GALNT17: variants seen among roughly 807,000 people sequenced by gnomAD.
GALNT17 encodes the protein polypeptide N-acetylgalactosaminyltransferase 17, also known as UDP-GalNAc:polypeptide N-acetylgalactosaminyltransferase-like 3.
In GALNT17, 29 loss-of-function variants were observed where a neutral mutation model predicts 63.7. The ratio of observed to expected loss-of-function variants is 0.46; its 90% CI spans 0.34 to 0.62. GALNT17 has a LOEUF of 0.62. GALNT17 is among the 20% of genes least tolerant of loss of function. GALNT17 has a pLI of 0.01. For missense variants in GALNT17, 603 were observed against 799.6 expected (o/e 0.75, Z 2.97); for synonymous variants, 305 against 318.3 (o/e 0.96, Z 0.45).
chr7:71,366,313 C>G (rs183196805), intron 2 of GALNT17, among the ~76,000 whole-genome samples: 2 of 152,046 alleles, frequency 1.3e-5, no homozygotes, highest in Admixed American at 6.6e-5. Flanking sequence ...CGGCTGGGCA[C>G]GGTGGCTCAC....
At position 71,143,899 on chromosome 7, in the gene GALNT17, G is replaced by A. The variant is rs192340580; in HGVS notation, c.238+10859G>A. Among the ~76,000 whole-genome samples, 43 of 151,702 alleles carry A rather than the reference G, an allele frequency of 2.8e-4. No homozygotes were observed. In the East Asian group the frequency reaches 4.3e-3, roughly 15 times the overall value. Reference sequence around the variant, plus strand: ...TATTTAAAAAAAAAAAAAGAGTGCAGCAGTGGGTATAGAGAGCTGGTGTTG... The same window carrying A: ...TATTTAAAAAAAAAAAAAGAGTGCAACAGTGGGTATAGAGAGCTGGTGTTG... On this transcript the variant is annotated intron_variant, in intron 1 of 10. Coordinates refer to ENST00000333538, the MANE Select transcript of GALNT17 (RefSeq NM_022479.3).
chr7:71,149,399 G>A (rs1292098925), intron 1 of GALNT17, among the ~76,000 whole-genome samples: 4 of 152,110 alleles, frequency 2.6e-5, no homozygotes, highest in Non-Finnish European at 4.4e-5. Flanking sequence ...TCTCCTTTGC[G>A]AAGTTGGTAC....
chr7:71,195,701 C>A (rs1290432557), intron 1 of GALNT17, among the ~76,000 whole-genome samples: 1 of 152,042 alleles, frequency 6.6e-6, no homozygotes, highest in African/African-American at 2.4e-5. Flanking sequence ...GCACATGCCA[C>A]CATGCTTGGC....
chr7:71,608,172 G>A (rs1784301356), intron 6 of GALNT17, among the ~76,000 whole-genome samples: 2 of 152,170 alleles, frequency 1.3e-5, no homozygotes, highest in African/African-American at 4.8e-5. Flanking sequence ...GTGCATGTGA[G>A]TACATAAATC....
intron 5 of GALNT17, among the ~76,000 whole-genome samples, chr7:71,471,773 A>G (rs77463980): frequency 0.022 from 3,420 of 152,168 alleles, 59 homozygotes; most frequent in Non-Finnish European, 0.038. Flanking sequence ...TTTTTTTCCC[A>G]TCAGAGATAT....
At chr7:71,321,870 CCTT>C (rs1563000971) in intron 1 of GALNT17, among the ~76,000 whole-genome samples, 4 of 42,884 alleles carry the variant, frequency 9.3e-5, no homozygotes, top group African/African-American at 3.2e-4. Context: ...TCCTTCCTTT[CCTT>C]CCTTCCTTCC....
intron 2 of GALNT17, among the ~76,000 whole-genome samples, chr7:71,381,553 C>T (rs78631397): frequency 0.17 from 25,511 of 151,888 alleles, 2,572 homozygotes; most frequent in East Asian, 0.39. Context: ...CCGAGGCGGG[C>T]GGATCACCTG....
At chr7:71,191,030 AT>A (rs2116338088) in intron 1 of GALNT17, among the ~76,000 whole-genome samples, 1 of 152,128 alleles carries the variant, frequency 6.6e-6, no homozygotes, top group South Asian at 2.1e-4. Context: ...GTTTCTTGGA[AT>A]TTTTTTCATT....
At chr7:71,711,029 A>G in intron 10 of GALNT17, 101 bp downstream of exon 10, 1 of 1,449,108 alleles carries the variant, frequency 6.9e-7, no homozygotes, top group Non-Finnish European at 9.2e-7. Context: ...GCAAAGAGCG[A>G]CCCCGAACCC....
intron 6 of GALNT17, among the ~76,000 whole-genome samples, chr7:71,571,834 C>A (rs1789446769): frequency 6.6e-6 from 1 of 152,162 alleles, no homozygotes; most frequent in African/African-American, 2.4e-5. Flanking sequence ...GGCAACAGAG[C>A]AAGACCCTGT....
intron 1 of GALNT17, among the ~76,000 whole-genome samples, chr7:71,160,196 GCTT>G (rs989317269): frequency 1.3e-5 from 2 of 152,082 alleles, no homozygotes; most frequent in Admixed American, 6.5e-5. Context: ...ATAACATTTT[GCTT>G]CTTTTTATCC....
intron 8 of GALNT17, among the ~76,000 whole-genome samples, chr7:71,671,012 A>G (rs1443239947): frequency 1.3e-5 from 2 of 152,100 alleles, no homozygotes; most frequent in Admixed American, 1.3e-4. Context: ...AATTTTACTC[A>G]ATAATATGGA....
At chr7:71,428,348 T>A (rs1159153255) in intron 5 of GALNT17, among the ~76,000 whole-genome samples, 1 of 152,156 alleles carries the variant, frequency 6.6e-6, no homozygotes, top group African/African-American at 2.4e-5. Context: ...TCCTGCAGAA[T>A]GTGGCTTTTT....
chr7:71,350,165 G>T (rs1464769098), intron 2 of GALNT17, among the ~76,000 whole-genome samples: 2 of 152,182 alleles, frequency 1.3e-5, no homozygotes, highest in African/African-American at 4.8e-5. Flanking sequence ...ATTTATTTAT[G>T]ATTTCAACAA....
At chr7:71,614,334 A>G (rs923431431) in intron 6 of GALNT17, among the ~76,000 whole-genome samples, 1 of 152,200 alleles carries the variant, frequency 6.6e-6, no homozygotes, top group Non-Finnish European at 1.5e-5. Context: ...TGGATTTCAG[A>G]TTTCCAAATT....
At chr7:71,581,035 G>A (rs1446507374) in intron 6 of GALNT17, among the ~76,000 whole-genome samples, 2 of 152,172 alleles carry the variant, frequency 1.3e-5, no homozygotes, top group Admixed American at 1.3e-4. Flanking sequence ...TCACAGTTGT[G>A]CATGGCTGGG....
At chr7:71,569,522 G>C (rs1006036846) in intron 5 of GALNT17, among the ~76,000 whole-genome samples, 1 of 152,044 alleles carries the variant, frequency 6.6e-6, no homozygotes, top group Non-Finnish European at 1.5e-5. Flanking sequence ...AAGTGAGAGC[G>C]AATGGTATTT....
At chr7:71,453,138 A>AT (rs142656040) in intron 5 of GALNT17, among the ~76,000 whole-genome samples, 59 of 151,116 alleles carry the variant, frequency 3.9e-4, no homozygotes, top group East Asian at 2.1e-3. Context: ...GTAAATAAAC[A>AT]TTTTTTTTTG....
chr7:71,263,723 A>T (rs886423740), intron 1 of GALNT17, among the ~76,000 whole-genome samples: 2 of 152,018 alleles, frequency 1.3e-5, no homozygotes, highest in African/African-American at 4.8e-5. Context: ...GGAGATCGAG[A>T]CCATCCTGGC....
Sources: gnomAD v4.1 joint callset for allele counts (sites outside exome capture counted in the v4.1 genomes callset) on GRCh38, gnomAD v4.1.1 for gene constraint, MANE v1.5 for transcripts, NCBI Gene and HGNC (gene_info 2026-07-23, HGNC 2026-07-21) for gene names.